SCMH1: variants seen among roughly 807,000 people sequenced by gnomAD.
SCMH1 encodes polycomb protein SCMH1.
In SCMH1, 37 loss-of-function variants were observed where a neutral mutation model predicts 70.8. The ratio of observed to expected loss-of-function variants is 0.52; its 90% CI spans 0.40 to 0.69. The LOEUF (loss-of-function observed/expected upper bound fraction) is 0.69, where lower values mean the gene tolerates loss of function less well. Among genes scored for constraint, SCMH1 ranks in the 30% least tolerant of loss-of-function variants. The probability of loss-of-function intolerance (pLI) is 0.00; values close to 1 mark genes in which losing one functional copy is unlikely to be tolerated. For synonymous variants in SCMH1, 292 were observed against 307.4 expected, an observed-to-expected ratio of 0.95 and a Z score of 0.52; for missense variants, 607 against 827.3, an observed-to-expected ratio of 0.73 and a Z score of 3.27.
At chr1:41,171,131 C>T (rs1646755196) in intron 2 of SCMH1, among the ~76,000 whole-genome samples, 1 of 152,184 alleles carries the variant, frequency 6.6e-6, no homozygotes, top group Non-Finnish European at 1.5e-5. Flanking sequence ...CTGCTGAGTG[C>T]CCAATCTGCC....
intron 11 of SCMH1, among the ~76,000 whole-genome samples, chr1:41,047,181 A>G (rs1314999016): frequency 6.6e-6 from 1 of 152,168 alleles, no homozygotes; most frequent in Non-Finnish European, 1.5e-5. Context: ...GAGGGCAGCA[A>G]GGACATGGGG....
At chr1:41,220,560 C>A (rs1352770214) in intron 1 of SCMH1, among the ~76,000 whole-genome samples, 1 of 152,168 alleles carries the variant, frequency 6.6e-6, no homozygotes, top group Non-Finnish European at 1.5e-5. Flanking sequence ...ATCTCAAAAA[C>A]CAACTCACCT....
At chr1:41,033,591 A>AC (rs1347806854) in intron 13 of SCMH1, among the ~76,000 whole-genome samples, 1 of 152,000 alleles carries the variant, frequency 6.6e-6, no homozygotes, top group Non-Finnish European at 1.5e-5. Context: ...GCTGGCACTT[A>AC]CTCTTCAAGG....
intron 6 of SCMH1, among the ~76,000 whole-genome samples, chr1:41,141,537 T>C (rs1029247504): frequency 2.6e-5 from 4 of 152,312 alleles, no homozygotes; most frequent in Middle Eastern, 3.4e-3. Flanking sequence ...AATATTCTTA[T>C]GAAAAAATTG....
intron 10 of SCMH1, among the ~76,000 whole-genome samples, chr1:41,069,169 C>A (rs750162392): frequency 6.7e-4 from 102 of 152,082 alleles, no homozygotes; most frequent in Non-Finnish European, 1.4e-3. Context: ...TTGAGAACAG[C>A]ATTTAACTAG....
chr1:41,036,409 C>T (rs1168647539), intron 13 of SCMH1, among the ~76,000 whole-genome samples: 1 of 152,214 alleles, frequency 6.6e-6, no homozygotes, highest in African/African-American at 2.4e-5. Context: ...CCTTCTTCCT[C>T]ACATCTGATT....
intron 1 of SCMH1, among the ~76,000 whole-genome samples, chr1:41,218,250 A>G (rs1053794951): frequency 2.0e-5 from 3 of 152,216 alleles, no homozygotes; most frequent in African/African-American, 7.2e-5. Flanking sequence ...GAACTGTGTT[A>G]AATTGTGTCC....
exon 11 of SCMH1, chr1:41,048,881 T>C (rs759445717): frequency 6.2e-7 from 1 of 1,613,332 alleles, no homozygotes; most frequent in East Asian, 2.2e-5. Flanking sequence ...CTTGTTCAAG[T>C]AGATACAAAC....
chr1:41,119,748 G>C (rs1671464135), intron 6 of SCMH1, among the ~76,000 whole-genome samples: 2 of 152,078 alleles, frequency 1.3e-5, no homozygotes, highest in South Asian at 4.2e-4. Flanking sequence ...GTACAGCATG[G>C]GATGGAGACA....
chr1:41,168,507 CTT>C (rs1213995920), intron 2 of SCMH1, among the ~76,000 whole-genome samples: 2 of 151,966 alleles, frequency 1.3e-5, no homozygotes, highest in African/African-American at 4.8e-5. Flanking sequence ...CTTTCTATCT[CTT>C]TGTCAAAGTT....
In SCMH1 at chr1:41,200,516, T is replaced by A. The variant is rs560899261; in HGVS notation, c.-117-14266A>T. Among the ~76,000 whole-genome samples the A allele has an allele frequency of 2.6e-3, 380 of 145,906 alleles. 2 individuals are homozygous for A. The highest frequency in any genetic ancestry group is 8.3e-3 in the African/African-American group (333 of 40,098). On this transcript the variant is annotated intron_variant, in intron 1 of 14. Coordinates refer to ENST00000337495, the Ensembl canonical transcript of SCMH1. ...ATAAATGTAATAATAATAATAATAA[T>A]ATAATAATAATAATAATAATAATGC...
At chr1:41,227,806 G>A (rs529675718) in intron 1 of SCMH1, among the ~76,000 whole-genome samples, 4 of 152,126 alleles carry the variant, frequency 2.6e-5, no homozygotes, top group East Asian at 3.9e-4. Context: ...GTGAAACCCC[G>A]TCTCTACTAA....
intron 12 of SCMH1, among the ~76,000 whole-genome samples, chr1:41,042,503 C>T (rs1646321274): frequency 1.3e-5 from 2 of 152,278 alleles, no homozygotes; most frequent in Middle Eastern, 3.4e-3. Context: ...CTTTTGGCCT[C>T]CCAAAGTGCT....
intron 5 of SCMH1, among the ~76,000 whole-genome samples, chr1:41,149,272 TTA>T (rs1379108748): frequency 1.4e-4 from 21 of 152,230 alleles, no homozygotes; most frequent in African/African-American, 4.8e-4. Context: ...GTTTCTATTG[TTA>T]TGTTTTCAAG....
intron 6 of SCMH1, among the ~76,000 whole-genome samples, chr1:41,117,842 T>A (rs943635364): frequency 2.6e-5 from 4 of 152,156 alleles, no homozygotes; most frequent in African/African-American, 7.2e-5. Flanking sequence ...TGACCTTACC[T>A]ATCATGGGAG....
chr1:41,106,829 G>A (rs1420996693), intron 8 of SCMH1, among the ~76,000 whole-genome samples: 2 of 151,582 alleles, frequency 1.3e-5, no homozygotes, highest in Non-Finnish European at 2.9e-5. Flanking sequence ...AGCAGGGACT[G>A]CAGACGTCAG....
At chr1:41,235,589 AAAAAAAAG>A (rs1457287694) in intron 1 of SCMH1, among the ~76,000 whole-genome samples, 4 of 150,294 alleles carry the variant, frequency 2.7e-5, no homozygotes, top group Non-Finnish European at 4.4e-5. Context: ...AAAAAAAAAA[AAAAAAAAG>A]AAAAGTTCAG....
At chr1:41,096,426 T>C (rs1214835463) in intron 8 of SCMH1, among the ~76,000 whole-genome samples, 1 of 152,188 alleles carries the variant, frequency 6.6e-6, no homozygotes. Context: ...AAATAGATAA[T>C]AGTACTTACC....
At chr1:41,197,985 T>C (rs985226500) in intron 1 of SCMH1, among the ~76,000 whole-genome samples, 2 of 152,230 alleles carry the variant, frequency 1.3e-5, no homozygotes, top group Non-Finnish European at 2.9e-5. Flanking sequence ...GCTTGAATAC[T>C]AACTTTGTCA....
Sources: gnomAD v4.1 joint callset for allele counts (sites outside exome capture counted in the v4.1 genomes callset) on GRCh38, gnomAD v4.1.1 for gene constraint, MANE v1.5 for transcripts, NCBI Gene and HGNC (gene_info 2026-07-23, HGNC 2026-07-21) for gene names.